Variants in AASS observed in about 807,000 individuals in gnomAD.
AASS encodes the protein alpha-aminoadipic semialdehyde synthase, mitochondrial.
In AASS, 86 loss-of-function variants were observed where a neutral mutation model predicts 105.4. The observed-to-expected ratio is 0.82, with a 90% CI of 0.69 to 0.98. The LOEUF (loss-of-function observed/expected upper bound fraction) is 0.98, where lower values mean the gene tolerates loss of function less well. Among genes scored for constraint, AASS ranks in the 50% least tolerant of loss-of-function variants. The pLI is 0.00. For missense variants in AASS, 1,048 were observed against 1,143.2 expected (o/e 0.92, Z 1.20); for synonymous variants, 381 against 394.8 (o/e 0.96, Z 0.41).
intron 13 of AASS, among the ~76,000 whole-genome samples, chr7:122,099,400 T>C (rs1794325492): frequency 6.6e-6 from 1 of 151,882 alleles, no homozygotes; most frequent in African/African-American, 2.4e-5. Context: ...TGACTTTGAG[T>C]CACACATGCC....
At chr7:122,133,907 C>T (rs1287068099) in intron 1 of AASS, 166 bp from the exon 2 acceptor site, 2 of 659,294 alleles carry the variant, frequency 3.0e-6, no homozygotes, top group Admixed American at 2.8e-5. Context: ...TCCTTTAAAG[C>T]CAAGTTTTCA....
rs1298749303 is a variant in AASS at position 122,118,549 on chromosome 7, T to C, written c.540+14A>G. On this transcript the variant is annotated intron_variant, in intron 5 of 23. Coordinates refer to ENST00000417368, the MANE Select transcript of AASS (RefSeq NM_005763.4). ...TGTGTTTTCAAAAAAATTAGCAAAATAAACATCTCTTACCATAAAAGGTGT... is the reference window on the plus strand; with the variant it reads ...TGTGTTTTCAAAAAAATTAGCAAAACAAACATCTCTTACCATAAAAGGTGT... 5 of 1,614,000 alleles carry C rather than the reference T, an allele frequency of 3.1e-6. No individual in the cohort carries two copies. Among genetic ancestry groups the C allele is most frequent in the Non-Finnish European group, 4.2e-6 (5 of 1,179,964 alleles).
At chr7:122,143,552 G>A (rs1403027588) in intron 1 of AASS, among the ~76,000 whole-genome samples, 1 of 151,488 alleles carries the variant, frequency 6.6e-6, no homozygotes, top group East Asian at 2.0e-4. Flanking sequence ...AGACTTGCAA[G>A]GCGCCCAACT....
rs765223814 is a variant in AASS, at chr7:122,076,519, TATA to T, written c.2748_2750del (p.Ile917del). The T allele has an allele frequency of 6.8e-6, 11 of 1,613,524 alleles. No homozygotes were observed. Among genetic ancestry groups the T allele is most frequent in the Non-Finnish European group, 9.3e-6 (11 of 1,179,526 alleles). On this transcript the variant is annotated inframe_deletion, in exon 24 of 24. Coordinates refer to ENST00000417368, the MANE Select transcript of AASS (RefSeq NM_005763.4). ...GTTTAATTGTACTCTGTGTAGTATA[TATA>T]ATGCCTTCTGCTTTAATTCGCTCCA...
intron 11 of AASS, among the ~76,000 whole-genome samples, chr7:122,109,115 T>C (rs920576777): frequency 6.6e-6 from 1 of 151,892 alleles, no homozygotes; most frequent in Non-Finnish European, 1.5e-5. Context: ...TACTAAAAAC[T>C]GTAAAACATT....
At chr7:122,088,869 A>G (rs893270359) in intron 18 of AASS, among the ~76,000 whole-genome samples, 11 of 152,138 alleles carry the variant, frequency 7.2e-5, no homozygotes, top group Non-Finnish European at 1.0e-4. Context: ...CTGTGAGGGG[A>G]ATGAAACTAA....
At chr7:122,097,109 A>G (rs1337123164) in intron 15 of AASS, among the ~76,000 whole-genome samples, 1 of 152,072 alleles carries the variant, frequency 6.6e-6, no homozygotes. Context: ...CCTGTATTTA[A>G]AGATATCAAG....
chr7:122,143,730 C>T (rs775196807), intron 1 of AASS, among the ~76,000 whole-genome samples: 1 of 151,994 alleles, frequency 6.6e-6, no homozygotes, highest in Non-Finnish European at 1.5e-5. Context: ...CTCAGCCAGC[C>T]GTCCCCTCTA....
chr7:122,108,699 G>A (rs1445026348), intron 11 of AASS, among the ~76,000 whole-genome samples: 2 of 152,054 alleles, frequency 1.3e-5, no homozygotes, highest in East Asian at 3.9e-4. Flanking sequence ...ATATTTGACA[G>A]ACCCACAGCT....
intron 1 of AASS, among the ~76,000 whole-genome samples, chr7:122,135,132 G>C (rs940348708): frequency 1.3e-5 from 2 of 151,976 alleles, no homozygotes; most frequent in African/African-American, 4.8e-5. Flanking sequence ...CATGGGGTGC[G>C]GGGAGGGGTG....
intron 18 of AASS, among the ~76,000 whole-genome samples, chr7:122,086,538 T>C (rs1377692448): frequency 6.6e-6 from 1 of 151,262 alleles, no homozygotes; most frequent in Non-Finnish European, 1.5e-5. Context: ...ACATTTTAAT[T>C]TTTAAAAAAT....
intron 15 of AASS, among the ~76,000 whole-genome samples, chr7:122,096,710 C>T (rs543305281): frequency 2.7e-4 from 41 of 152,002 alleles, no homozygotes; most frequent in African/African-American, 9.4e-4. Context: ...GAAAATACAC[C>T]AAATGAGAAA....
intron 11 of AASS, among the ~76,000 whole-genome samples, chr7:122,111,952 C>T (rs279673): frequency 0.1 from 15,736 of 152,056 alleles, 1,149 homozygotes; most frequent in African/African-American, 0.2. Context: ...TTACAACCAC[C>T]TCATGTTACA....
chr7:122,105,395 A>G (rs1794622863), intron 11 of AASS, among the ~76,000 whole-genome samples: 2 of 152,120 alleles, frequency 1.3e-5, no homozygotes, highest in African/African-American at 4.8e-5. Context: ...AGATAAATAT[A>G]GAACTTTTTA....
At chr7:122,103,831 A>G (rs1794541204) in intron 11 of AASS, among the ~76,000 whole-genome samples, 1 of 151,918 alleles carries the variant, frequency 6.6e-6, no homozygotes, top group Non-Finnish European at 1.5e-5. Flanking sequence ...CGCTGGTGGG[A>G]GGGTAGAATT....
At chr7:122,133,963 C>T (rs530402354) in intron 1 of AASS, 5 of 559,426 alleles carry the variant, frequency 8.9e-6, no homozygotes, top group African/African-American at 7.5e-5. Flanking sequence ...TATAGAGCAA[C>T]GTGTGTGACA....
At chr7:122,083,113 T>C (rs974236887) in intron 19 of AASS, among the ~76,000 whole-genome samples, 1 of 152,048 alleles carries the variant, frequency 6.6e-6, no homozygotes, top group Admixed American at 6.5e-5. Context: ...AAATATAAAA[T>C]AGTTCCTGTA....
At chr7:122,087,311 A>C (rs987720018) in intron 18 of AASS, among the ~76,000 whole-genome samples, 2 of 152,172 alleles carry the variant, frequency 1.3e-5, no homozygotes, top group African/African-American at 2.4e-5. Flanking sequence ...CAGAAAGAAA[A>C]GGGCTATGCT....
Position 122,093,050 on chromosome 7 carries a change from C to G in AASS, c.1764G>C (p.Lys588Asn). The G allele has an allele frequency of 6.2e-7, 1 of 1,613,582 alleles. No individual in the cohort carries two copies. The highest frequency in any genetic ancestry group is 8.5e-7 in the Non-Finnish European group (1 of 1,179,526). Residue 588 changes from lysine (K) to asparagine (N), a missense_variant and splice_region_variant, in exon 16 of 24, where the codon AAG (lysine) becomes AAC (asparagine). By Grantham distance (94) the Lys-to-Asn change is moderately conservative. Coordinates refer to ENST00000417368, the MANE Select transcript of AASS (RefSeq NM_005763.4). ...TGTTTAAAATGATTAAAACTTACCT[C>G]TTTTCCAATTCTTTTAGTGCTGGTG... ...YITPALKELEKSVEDAGITII... is the reference protein window; with the variant it reads ...YITPALKELENSVEDAGITII...
Sources: gnomAD v4.1 joint callset for allele counts (sites outside exome capture counted in the v4.1 genomes callset) on GRCh38, gnomAD v4.1.1 for gene constraint, MANE v1.5 for transcripts, NCBI Gene and HGNC (gene_info 2026-07-23, HGNC 2026-07-21) for gene names.